Variants in RNF24 observed in about 807,000 individuals in gnomAD.
RNF24 encodes the protein ring finger protein 24.
A neutral mutation model predicts 20.0 loss-of-function variants in RNF24; 14 were observed. That is an observed-to-expected ratio of 0.70 (90% CI 0.46 to 1.10). RNF24 has a LOEUF of 1.10. RNF24 is among the 50% of genes least tolerant of loss of function. The pLI is 0.00. For missense variants in RNF24, 124 were observed against 177.6 expected (o/e 0.70, Z 1.71); for synonymous variants, 45 against 61.1 (o/e 0.74, Z 1.23).
At chr20:4,004,894 G>C (rs1981718777) in intron 1 of RNF24, among the ~76,000 whole-genome samples, 1 of 152,208 alleles carries the variant, frequency 6.6e-6, no homozygotes. Context: ...TACTGCAGTA[G>C]CTCTGCAGGA....
At chr20:3,939,370 G>A (rs1040007530) in intron 4 of RNF24, among the ~76,000 whole-genome samples, 3 of 152,180 alleles carry the variant, frequency 2.0e-5, no homozygotes, top group African/African-American at 7.2e-5. Flanking sequence ...AGTAATCTTT[G>A]TATATAGTAT....
At chr20:3,989,894 T>A (rs1193610195) in intron 1 of RNF24, among the ~76,000 whole-genome samples, 1 of 152,184 alleles carries the variant, frequency 6.6e-6, no homozygotes, top group Non-Finnish European at 1.5e-5. Context: ...AAATTCTTGT[T>A]ATAAGCCATT....
intron 1 of RNF24, among the ~76,000 whole-genome samples, chr20:4,010,883 C>G (rs1474502888): frequency 6.6e-6 from 1 of 152,146 alleles, no homozygotes; most frequent in Non-Finnish European, 1.5e-5. Flanking sequence ...TGCTCAAGAT[C>G]CAAAACGTTC....
At chr20:3,945,294 A>AT in intron 3 of RNF24, 76 bp from the exon 4 acceptor site, 2 of 1,405,274 alleles carry the variant, frequency 1.4e-6, no homozygotes, top group Non-Finnish European at 1.9e-6. Flanking sequence ...ATTCTCAAAT[A>AT]TTTTTCTTTT....
intron 1 of RNF24, among the ~76,000 whole-genome samples, chr20:3,992,636 G>A (rs1225595868): frequency 1.3e-5 from 2 of 151,980 alleles, no homozygotes; most frequent in Admixed American, 6.6e-5. Context: ...AAGGTTGTAA[G>A]TCTCGTACAA....
intron 1 of RNF24, among the ~76,000 whole-genome samples, chr20:3,999,685 C>T (rs1469917118): frequency 1.3e-5 from 2 of 152,044 alleles, no homozygotes; most frequent in African/African-American, 2.4e-5. Flanking sequence ...ACCCAGGAGG[C>T]GGAGGTTGCA....
intron 1 of RNF24, among the ~76,000 whole-genome samples, chr20:3,996,947 G>T (rs1980915751): frequency 1.3e-5 from 2 of 152,098 alleles, no homozygotes; most frequent in African/African-American, 2.4e-5. Flanking sequence ...TAGGCTGGGC[G>T]TGGTGGCTCA....
intron 2 of RNF24, among the ~76,000 whole-genome samples, chr20:3,953,917 C>T (rs1381264150): frequency 6.6e-6 from 1 of 151,536 alleles, no homozygotes; most frequent in Non-Finnish European, 1.5e-5. Context: ...CCACCACGTC[C>T]AGCTAATTTT....
At chr20:3,984,546 T>C (rs933553424) in intron 1 of RNF24, among the ~76,000 whole-genome samples, 7 of 152,222 alleles carry the variant, frequency 4.6e-5, no homozygotes, top group African/African-American at 1.7e-4. Context: ...TCTCCCTCTG[T>C]ATTCCCAGTC....
At chr20:4,004,851 T>G (rs527520171) in intron 1 of RNF24, among the ~76,000 whole-genome samples, 1 of 152,352 alleles carries the variant, frequency 6.6e-6, no homozygotes, top group Non-Finnish European at 1.5e-5. Context: ...AAACCCCCTT[T>G]GCTCCATCTG....
In RNF24 at chr20:3,933,846, C is replaced by T. The variant is rs2090856641; in HGVS notation, c.*217G>A. On this transcript the variant is annotated 3_prime_UTR_variant, in exon 6 of 6. Transcript: ENST00000358395. The stretch of plus-strand genomic sequence containing the variant: ...TGAGGCAAACCCGCAGGCTCATCCA[C>T]TCCTCTTCTCTCGGCAGGGGGTAGT... The T allele has an allele frequency of 5.2e-6, 2 of 382,572 alleles. No homozygotes were observed. The highest frequency in any genetic ancestry group is 9.2e-6 in the Non-Finnish European group (2 of 216,562). The allele number at this position is 382,572 out of a possible 1,614,324, so 23.7% of individuals were successfully genotyped here. A position where few individuals can be genotyped will look rare whatever the true frequency, so the allele number is the denominator to read the frequency against.
chr20:3,965,405 G>GATATA (rs1345992901), intron 1 of RNF24, among the ~76,000 whole-genome samples: 27 of 152,060 alleles, frequency 1.8e-4, no homozygotes, highest in African/African-American at 6.0e-4. Flanking sequence ...CCAGTCTCTA[G>GATATA]TAACATATAT....
At chr20:3,965,909 G>A (rs896360575) in intron 1 of RNF24, among the ~76,000 whole-genome samples, 1 of 152,106 alleles carries the variant, frequency 6.6e-6, no homozygotes, top group African/African-American at 2.4e-5. Flanking sequence ...TGAGGTGGGT[G>A]GATCACCTGA....
intron 2 of RNF24, among the ~76,000 whole-genome samples, chr20:3,959,822 C>T (rs773639697): frequency 1.3e-5 from 2 of 152,154 alleles, no homozygotes; most frequent in Non-Finnish European, 2.9e-5. Flanking sequence ...ACTAGGGAAC[C>T]GTTCATTCAT....
intron 3 of RNF24, among the ~76,000 whole-genome samples, chr20:3,947,253 C>T (rs1388103303): frequency 6.6e-6 from 1 of 152,188 alleles, no homozygotes; most frequent in Non-Finnish European, 1.5e-5. Context: ...ACATCAGCGT[C>T]AGCAAGGTTA....
intron 3 of RNF24, among the ~76,000 whole-genome samples, chr20:3,946,188 C>G (rs939057039): frequency 1.1e-4 from 16 of 152,094 alleles, no homozygotes; most frequent in African/African-American, 3.4e-4. Flanking sequence ...AATACGTGGC[C>G]AGGCACGGTA....
chr20:3,954,054 C>T (rs1340557515), intron 2 of RNF24, among the ~76,000 whole-genome samples: 1 of 152,104 alleles, frequency 6.6e-6, no homozygotes, highest in Non-Finnish European at 1.5e-5. Context: ...CCATGCCCGG[C>T]CCCGGTTTTT....
intron 1 of RNF24, among the ~76,000 whole-genome samples, chr20:4,010,768 T>C (rs890603241): frequency 7.9e-5 from 12 of 152,112 alleles, no homozygotes; most frequent in Non-Finnish European, 4.4e-5. Flanking sequence ...GCCTAAACAG[T>C]GGTCACAAGG....
chr20:3,937,350 C>A (rs1369078797), intron 4 of RNF24, among the ~76,000 whole-genome samples: 4 of 152,206 alleles, frequency 2.6e-5, no homozygotes, highest in African/African-American at 9.6e-5. Context: ...CTTTCCTTTA[C>A]AGTTCATATT....
Sources: allele counts gnomAD v4.1 joint callset (sites outside exome capture counted in the v4.1 genomes callset), GRCh38; gene constraint gnomAD v4.1.1; transcripts MANE v1.5; gene names NCBI Gene and HGNC (gene_info 2026-07-23, HGNC 2026-07-21).